CISD1: variants seen among roughly 807,000 people sequenced by gnomAD.
The protein encoded by CISD1 is CDGSH iron sulfur domain 1.
A neutral mutation model predicts 12.0 loss-of-function variants in CISD1; 8 were observed. The observed-to-expected ratio is 0.67, with a 90% CI of 0.39 to 1.20. The LOEUF (loss-of-function observed/expected upper bound fraction) is 1.20, where lower values mean the gene tolerates loss of function less well. Among genes scored for constraint, CISD1 ranks in the 50% most tolerant of loss-of-function variants. The pLI is 0.01. For synonymous variants in CISD1, 38 were observed against 42.2 expected, an observed-to-expected ratio of 0.90 and a Z score of 0.39; for missense variants, 107 against 132.7, an observed-to-expected ratio of 0.81 and a Z score of 0.95.
chr10:58,278,906 C>CG (rs1039180410), intron 2 of CISD1, among the ~76,000 whole-genome samples: 2 of 152,198 alleles, frequency 1.3e-5, no homozygotes, highest in African/African-American at 2.4e-5. Flanking sequence ...AAAGGCCCCC[C>CG]CAGCTGCTGA....
rs904654590 is a variant in CISD1 at position 58,289,139 on chromosome 10, G to C, written c.*1489G>C. ...ACAAACTGATTCTATTAGATTCTTA[G>C]GGTAAATTTTTTCTTTGCCCACCTC... On this transcript the variant is annotated 3_prime_UTR_variant, in exon 3 of 3. Transcript: ENST00000333926. 6.6e-6 allele frequency: 1 copy of C among 152,084 alleles called. No individual in the cohort carries two copies. Among genetic ancestry groups the C allele is most frequent in the South Asian group, 2.1e-4 (1 of 4,818 alleles). The allele number at this position is 152,084 out of a possible 1,614,324, so 9.4% of individuals were successfully genotyped here.
rs368013933 is a variant in CISD1, at chr10:58,278,214, A to G, written c.237+892A>G. 5.9e-5 allele frequency among the ~76,000 whole-genome samples: 9 copies of G among 152,322 alleles called. No individual in the cohort carries two copies. The East Asian group carries it at 1.4e-3, about 23-fold the overall frequency. On this transcript the variant is annotated intron_variant, in intron 2 of 2. Coordinates refer to ENST00000333926, the MANE Select transcript of CISD1 (RefSeq NM_018464.5). ...GTGTGTTGTGAGAAATATGGTATAA[A>G]CACTGTACTATCACTCTTAGCATTC...
At chr10:58,270,287 T>C (rs1202859820) in intron 1 of CISD1, among the ~76,000 whole-genome samples, 1 of 152,208 alleles carries the variant, frequency 6.6e-6, no homozygotes, top group Non-Finnish European at 1.5e-5. Context: ...TTGACAAAAT[T>C]TACCTGGCTA....
intron 2 of CISD1, among the ~76,000 whole-genome samples, chr10:58,281,968 TTTTTC>T (rs1301270662): frequency 6.6e-6 from 1 of 152,014 alleles, no homozygotes; most frequent in East Asian, 1.9e-4. Flanking sequence ...GCTTTTTTTT[TTTTTC>T]TTTTTCTTGA....
Position 58,287,838 on chromosome 10 carries a change from A to C in CISD1, c.*188A>C. On this transcript the variant is annotated 3_prime_UTR_variant, in exon 3 of 3. Coordinates refer to ENST00000333926, the MANE Select transcript of CISD1 (RefSeq NM_018464.5). ...TGGTGCACATTTGTTTAAACAAAAAAAAAAAAAAAAAGGAAAAACCAACCT... is the reference window on the plus strand; with the variant it reads ...TGGTGCACATTTGTTTAAACAAAAACAAAAAAAAAAAGGAAAAACCAACCT... The C allele has an allele frequency of 3.7e-6, 1 of 268,384 alleles. No individual in the cohort carries two copies. Among genetic ancestry groups the C allele is most frequent in the African/African-American group, 4.8e-5 (1 of 20,794 alleles). 16.6% of individuals were successfully genotyped at this position (268,384 alleles called of 1,614,324 possible). A position where few individuals can be genotyped will look rare whatever the true frequency, so the allele number is the denominator to read the frequency against.
At chr10:58,279,646 ATAAAG>A (rs1240835631) in intron 2 of CISD1, among the ~76,000 whole-genome samples, 5 of 152,238 alleles carry the variant, frequency 3.3e-5, no homozygotes, top group East Asian at 1.9e-4. Context: ...CTAGAAAATA[ATAAAG>A]TAATCTAGAA....
At position 58,288,773 on chromosome 10, in the gene CISD1, T is replaced by C. The variant is rs1000353602; in HGVS notation, c.*1123T>C. ...AAAGAGATTAGGTTTTTGAATTTCA[T>C]AGGTTAGAAGGAAAATCATGGCAAA... On this transcript the variant is annotated 3_prime_UTR_variant, in exon 3 of 3. Transcript: ENST00000333926. The C allele has an allele frequency of 2.0e-5, 3 of 152,250 alleles. No individual in the cohort carries two copies. In the South Asian group the frequency reaches 6.2e-4, roughly 31 times the overall value. 9.4% of individuals were successfully genotyped at this position (152,250 alleles called of 1,614,324 possible).
At chr10:58,277,037 C>G (rs1333778968) in intron 1 of CISD1, 80 bp from the exon 2 acceptor site, 3 of 1,016,850 alleles carry the variant, frequency 3.0e-6, no homozygotes, top group South Asian at 3.2e-5. Context: ...TACTCAAAAA[C>G]TGGATTTTCT....
intron 1 of CISD1, among the ~76,000 whole-genome samples, chr10:58,276,896 TATC>T (rs1392431193): frequency 6.6e-6 from 1 of 152,144 alleles, no homozygotes; most frequent in Non-Finnish European, 1.5e-5. Flanking sequence ...TTAATGTAGC[TATC>T]ATCACTCAGT....
At chr10:58,283,096 TA>T (rs11335426) in intron 2 of CISD1, 51,397 of 151,978 alleles carry the variant, frequency 0.34, 10,928 homozygotes, top group African/African-American at 0.61. Flanking sequence ...AGATTTGAGT[TA>T]ATGATACTTT....
intron 1 of CISD1, chr10:58,273,260 T>C (rs1839269572): frequency 6.6e-6 from 1 of 152,204 alleles, no homozygotes; most frequent in African/African-American, 2.4e-5. Context: ...TCATCCATTA[T>C]TTCTTTTGAC....
In CISD1 at chr10:58,288,066, A is replaced by G. The variant is rs1359962402; in HGVS notation, c.*416A>G. ...CATATTGACCTGGAAACTAAATAGG[A>G]TGTGATTCAGCTACATTAATTTCTT... On this transcript the variant is annotated 3_prime_UTR_variant, in exon 3 of 3. Transcript: ENST00000333926. 1 of 153,542 alleles carries G rather than the reference A, an allele frequency of 6.5e-6. No individual in the cohort carries two copies. The highest frequency in any genetic ancestry group is 1.9e-4 in the East Asian group (1 of 5,388). The allele number at this position is 153,542 out of a possible 1,614,324, so 9.5% of individuals were successfully genotyped here. A position where few individuals can be genotyped will look rare whatever the true frequency, so the allele number is the denominator to read the frequency against.
At chr10:58,286,082 G>T (rs1285349545) in intron 2 of CISD1, among the ~76,000 whole-genome samples, 5 of 151,668 alleles carry the variant, frequency 3.3e-5, no homozygotes, top group South Asian at 4.2e-4. Context: ...GCGGGCGCCT[G>T]TAGTCCCAGC....
chr10:58,276,173 A>T (rs1839313450), intron 1 of CISD1: 1 of 152,188 alleles, frequency 6.6e-6, no homozygotes, highest in African/African-American at 2.4e-5. Context: ...TAACCAGATT[A>T]TGCAGAACTT....
chr10:58,278,228 C>T (rs1839337105), intron 2 of CISD1, among the ~76,000 whole-genome samples: 2 of 152,140 alleles, frequency 1.3e-5, no homozygotes, highest in Non-Finnish European at 2.9e-5. Flanking sequence ...TGTACTATCA[C>T]TCTTAGCATT....
At chr10:58,287,140 T>C (rs1275128711) in intron 2 of CISD1, among the ~76,000 whole-genome samples, 2 of 152,102 alleles carry the variant, frequency 1.3e-5, no homozygotes, top group African/African-American at 4.8e-5. Context: ...AGGCTGGTCT[T>C]GAACTCTTGA....
intron 1 of CISD1, among the ~76,000 whole-genome samples, chr10:58,271,281 T>C (rs1036846233): frequency 3.3e-5 from 5 of 151,660 alleles, no homozygotes; most frequent in South Asian, 2.1e-4. Flanking sequence ...ACCTCGTGAT[T>C]CGCCCGCCTC....
chr10:58,277,088 TA>T, intron 1 of CISD1, 28 bp from the exon 2 acceptor site: 1 of 1,526,480 alleles, frequency 6.6e-7, no homozygotes, highest in Non-Finnish European at 8.9e-7. Flanking sequence ...TTGGTTTTGA[TA>T]ATTATTTGTT....
At chr10:58,285,753 G>A (rs1196053690) in intron 2 of CISD1, among the ~76,000 whole-genome samples, 1 of 152,056 alleles carries the variant, frequency 6.6e-6, no homozygotes, top group Non-Finnish European at 1.5e-5. Flanking sequence ...TAGCAAGAAT[G>A]TTCAGATATG....
Sources: gnomAD v4.1 joint callset for allele counts (sites outside exome capture counted in the v4.1 genomes callset) on GRCh38, gnomAD v4.1.1 for gene constraint, MANE v1.5 for transcripts, NCBI Gene and HGNC (gene_info 2026-07-23, HGNC 2026-07-21) for gene names.